The following ABHD8 variants were observed in gnomAD, a reference collection of about 807,000 sequenced individuals.
ABHD8 encodes abhydrolase domain containing 8, also known as protein ABHD8.
ABHD8 carries 10 observed loss-of-function variants against 29.3 expected under a neutral mutation model. The ratio of observed to expected loss-of-function variants is 0.34; its 90% CI spans 0.21 to 0.58. ABHD8 has a LOEUF of 0.58. Among genes scored for constraint, ABHD8 ranks in the 20% least tolerant of loss-of-function variants. The pLI is 0.85. For synonymous variants in ABHD8, 282 were observed against 274.6 expected (o/e 1.03, Z -0.27); for missense variants, 556 against 615.3 (o/e 0.90, Z 1.02).
intron 2 of ABHD8, among the ~76,000 whole-genome samples, chr19:17,295,437 C>G (rs146480234): frequency 0.012 from 1,854 of 150,698 alleles, 31 homozygotes; most frequent in African/African-American, 0.044. Context: ...GATGGAGTCT[C>G]ATTCTGTTGC....
intron 2 of ABHD8, among the ~76,000 whole-genome samples, chr19:17,297,536 C>T (rs905465015): frequency 9.2e-5 from 14 of 152,020 alleles, no homozygotes; most frequent in South Asian, 2.1e-4. Context: ...CCTTGTGATC[C>T]GCCTGCCTCG....
intron 2 of ABHD8, among the ~76,000 whole-genome samples, chr19:17,299,327 C>T (rs990766517): frequency 6.7e-6 from 1 of 150,098 alleles, no homozygotes; most frequent in African/African-American, 2.5e-5. Flanking sequence ...TTTGGGAGGC[C>T]GAGGAGGGCG....
chr19:17,296,886 G>A (rs13343778), intron 2 of ABHD8, among the ~76,000 whole-genome samples: 3 of 151,792 alleles, frequency 2.0e-5, no homozygotes, highest in Non-Finnish European at 4.4e-5. Context: ...GTAGAGACGG[G>A]GTTTCACCGT....
chr19:17,299,376 A>G (rs1457681537), intron 2 of ABHD8, among the ~76,000 whole-genome samples: 2 of 151,868 alleles, frequency 1.3e-5, no homozygotes, highest in Non-Finnish European at 2.9e-5. Context: ...CCTGGCTAAC[A>G]CGGTGAAACC....
At chr19:17,302,752 G>C (rs1009863593) in intron 1 of ABHD8, 2 of 152,216 alleles carry the variant, frequency 1.3e-5, no homozygotes, top group African/African-American at 4.8e-5. Flanking sequence ...CTGGCTGGGG[G>C]CCTCCAAGCC....
chr19:17,303,387 G>T lies in ABHD8; in HGVS notation c.-154C>A, dbSNP rs2074130824. 1 of 152,218 alleles carries T rather than the reference G, an allele frequency of 6.6e-6. No homozygotes were observed. The highest frequency in any genetic ancestry group is 2.4e-5 in the African/African-American group (1 of 41,442). The allele number at this position is 152,218 out of a possible 1,614,324, so 9.4% of individuals were successfully genotyped here. On this transcript the variant is annotated 5_prime_UTR_variant, in exon 1 of 5. Transcript: ENST00000247706. ...CGGGCACCTGCCCCTGGCGGTCAGC[G>T]CAGGGGCATCCCGCGGCCGCCGAAA...
intron 2 of ABHD8, among the ~76,000 whole-genome samples, chr19:17,300,205 T>A (rs966242570): frequency 4.2e-4 from 64 of 150,744 alleles, no homozygotes; most frequent in Non-Finnish European, 1.3e-4. Flanking sequence ...CGCCCGGATT[T>A]TTTTTTCTTT....
intron 2 of ABHD8, chr19:17,298,345 C>T (rs2074102486): frequency 6.6e-6 from 1 of 152,112 alleles, no homozygotes; most frequent in Non-Finnish European, 1.5e-5. Context: ...TGGTCAAGCC[C>T]TGGGGACCAA....
chr19:17,301,726 A>G, intron 1 of ABHD8, 102 bp from the exon 2 acceptor site: 1 of 1,338,632 alleles, frequency 7.5e-7, no homozygotes, highest in Non-Finnish European at 9.7e-7. Flanking sequence ...TTTAGACTCC[A>G]GTTTGGGGAG....
intron 1 of ABHD8, chr19:17,302,171 G>T (rs1568349013): frequency 6.6e-6 from 1 of 152,222 alleles, no homozygotes; most frequent in African/African-American, 2.4e-5. Context: ...GAAAGACTTG[G>T]CTATGGCTTA....
chr19:17,301,995 T>C (rs904783959), intron 1 of ABHD8, among the ~76,000 whole-genome samples: 2 of 152,122 alleles, frequency 1.3e-5, no homozygotes, highest in Admixed American at 1.3e-4. Context: ...GGTTTCACCA[T>C]GTTGGCCAGG....
intron 2 of ABHD8, among the ~76,000 whole-genome samples, 164 bp downstream of exon 2, chr19:17,300,690 CTG>C (rs2074113240): frequency 6.6e-6 from 1 of 152,100 alleles, no homozygotes; most frequent in Admixed American, 6.5e-5. Flanking sequence ...CTTGGCCAGA[CTG>C]TTCCCGAACT....
At chr19:17,298,704 A>G (rs534666806) in intron 2 of ABHD8, among the ~76,000 whole-genome samples, 1 of 151,480 alleles carries the variant, frequency 6.6e-6, no homozygotes, top group Non-Finnish European at 1.5e-5. Flanking sequence ...AACCTGGCCA[A>G]ACACGATAGT....
intron 2 of ABHD8, among the ~76,000 whole-genome samples, chr19:17,295,153 C>T (rs1482620385): frequency 2.3e-5 from 3 of 132,522 alleles, no homozygotes; most frequent in Non-Finnish European, 4.6e-5. Flanking sequence ...GGCCGGACTG[C>T]GGACTGCAGT....
chr19:17,301,376 G>T lies in ABHD8; in HGVS notation c.241C>A (p.Arg81=). 6.2e-7 allele frequency: 1 copy of T among 1,611,176 alleles called. No individual in the cohort carries two copies. ...DLSGLVRCQR[R]ITVYRNGRLL... is the part of the protein sequence containing the mutation. The stretch of plus-strand genomic sequence containing the variant: ...CGCCCATTGCGGTACACGGTGATCC[G>T]GCGCTGACAGCGGACCAAGCCGGAG... The change falls in exon 2 of 5, where the codon CGG becomes AGG. Residue 81 remains arginine, a synonymous_variant. Transcript: ENST00000247706.
rs542416293 is a variant in ABHD8 at position 17,292,367 on chromosome 19, C to A, written c.*294G>T. On this transcript the variant is annotated 3_prime_UTR_variant, in exon 5 of 5. Transcript: ENST00000247706. ...GGTGGGGGGCCTGCCTTGGCCGTGG[C>A]GTTGGGGGGAAGGTGAGGGAGAGCT... The A allele has an allele frequency of 3.2e-5, 14 of 434,956 alleles. No homozygotes were observed. Among genetic ancestry groups the A allele is most frequent in the African/African-American group, 2.5e-4 (12 of 48,316 alleles). 26.9% of individuals were successfully genotyped at this position (434,956 alleles called of 1,614,324 possible).
chr19:17,301,510 A>T lies in ABHD8; in HGVS notation c.107T>A (p.Val36Glu), dbSNP rs1253630838. Residue 36 changes from valine to glutamate, a missense_variant, in exon 2 of 5, where the codon GTA becomes GAA. This residue lies in a region of ABHD8 where 286 missense variants were observed against 261.4 expected (regional missense o/e 1.09). Transcript: ENST00000247706. ...SVESSDGYTF[V>E]EVKPGRVLRV... ...CAGCACGCGGCCGGGCTTGACCTCT[A>T]CAAAGGTGTAGCCATCGCTGGACTC... 1.2e-6 allele frequency: 2 copies of T among 1,611,580 alleles called. No individual in the cohort carries two copies. Among genetic ancestry groups the T allele is most frequent in the South Asian group, 2.2e-5 (2 of 90,996 alleles).
chr19:17,292,564 G>A lies in ABHD8; in HGVS notation c.*97C>T. 1.5e-6 allele frequency: 2 copies of A among 1,342,922 alleles called. No homozygotes were observed. The highest frequency in any genetic ancestry group is 1.6e-5 in the South Asian group (1 of 60,780). The allele number at this position is 1,342,922 out of a possible 1,614,324, so 83.2% of individuals were successfully genotyped here. On this transcript the variant is annotated 3_prime_UTR_variant, in exon 5 of 5. Transcript: ENST00000247706. Reference sequence around the variant, plus strand: ...CCTGGCCCCGCCCACCGGAGCGAACGGCCCGCCCAGGTGGTCTGCGCTGCA... The same window carrying A: ...CCTGGCCCCGCCCACCGGAGCGAACAGCCCGCCCAGGTGGTCTGCGCTGCA...
rs1402950798 is a variant in ABHD8 at position 17,292,682 on chromosome 19, C to T, written c.1299G>A (p.Ala433=). The T allele has an allele frequency of 6.2e-7, 1 of 1,611,400 alleles. No individual in the cohort carries two copies. ...SPKALPEPLP[A]PPEDKK is the part of the protein sequence containing the mutation. ...GCGGCTACTTCTTGTCTTCTGGAGG[C>T]GCCGGCAGTGGCTCCGGTAGAGCCT... Residue 433 remains alanine, a synonymous_variant, in exon 5 of 5, where the codon GCG becomes GCA. Transcript: ENST00000247706.
Sources: gnomAD v4.1 joint callset for allele counts (sites outside exome capture counted in the v4.1 genomes callset) on GRCh38, gnomAD v4.1.1 for gene constraint, gnomAD v4.1.1 regional missense constraint, MANE v1.5 for transcripts, NCBI Gene and HGNC (gene_info 2026-07-23, HGNC 2026-07-21) for gene names.